NHS: variants seen among roughly 807,000 people sequenced by gnomAD.
NHS encodes the protein NHS actin remodeling regulator, also known as actin remodeling regulator NHS.
NHS carries 5 observed loss-of-function variants against 72.5 expected under a neutral mutation model. That is an observed-to-expected ratio of 0.07 (90% CI 0.04 to 0.14). The LOEUF (loss-of-function observed/expected upper bound fraction) is 0.14, where lower values mean the gene tolerates loss of function less well. NHS is among the 10% of genes least tolerant of loss of function. The probability of loss-of-function intolerance (pLI) is 1.00; values close to 1 mark genes in which losing one functional copy is unlikely to be tolerated. For missense variants in NHS, 1,072 were observed against 1,355.7 expected, an observed-to-expected ratio of 0.79 and a Z score of 3.29; for synonymous variants, 464 against 547.7, an observed-to-expected ratio of 0.85 and a Z score of 2.13.
intron 4 of NHS, 126 bp downstream of exon 4, chrX:17,719,532 A>T: frequency 1.8e-6 from 1 of 558,070 alleles, no homozygotes; most frequent in Non-Finnish European, 2.8e-6. Context: ...CTTTAAAATC[A>T]ATTTAAAAAG....
At chrX:17,490,766 G>A (rs909680072) in intron 1 of NHS, among the ~76,000 whole-genome samples, 1 of 112,172 alleles carries the variant, frequency 8.9e-6, no homozygotes, top group African/African-American at 3.2e-5. Flanking sequence ...AGCATGGAAT[G>A]TTTTTCCATT....
At chrX:17,670,762 C>T (rs1422428517) in intron 1 of NHS, among the ~76,000 whole-genome samples, 3 of 112,302 alleles carry the variant, frequency 2.7e-5, no homozygotes, top group Non-Finnish European at 5.6e-5. Context: ...ATGACACTGA[C>T]TCATTCCATT....
rs2065915943 is a variant in NHS, at chrX:17,648,454, G to A, written c.566-39288G>A. Among the ~76,000 whole-genome samples the A allele has an allele frequency of 2.7e-5, 3 of 112,427 alleles. No individual in the cohort carries two copies. In the South Asian group the frequency reaches 1.1e-3, roughly 42 times the overall value. ...CACCGCATTCTTCTGGCCAAATCAG[G>A]TCATAAGGCCTGCTCAGATTCAAGG... On this transcript the variant is annotated intron_variant, in intron 1 of 8. Transcript: ENST00000676302.
chrX:17,411,241 G>A (rs761015006), intron 1 of NHS, among the ~76,000 whole-genome samples: 7 of 112,124 alleles, frequency 6.2e-5, no homozygotes, highest in African/African-American at 2.3e-4. Flanking sequence ...TCAATAAAAT[G>A]AAGCCTAGTA....
At chrX:17,432,662 CTTGCATGGAG>C (rs962110978) in intron 1 of NHS, among the ~76,000 whole-genome samples, 1 of 111,958 alleles carries the variant, frequency 8.9e-6, no homozygotes, top group Non-Finnish European at 1.9e-5. Context: ...CCTGTTAGGA[CTTGCATGGAG>C]GGCAATAAAT....
chrX:17,379,266 T>C (rs2064362985), intron 1 of NHS, among the ~76,000 whole-genome samples: 1 of 109,823 alleles, frequency 9.1e-6, no homozygotes, highest in Non-Finnish European at 1.9e-5. Context: ...GAAGCAAGTC[T>C]GGTGGCTAGT....
At chrX:17,493,057 A>G (rs2064998527) in intron 1 of NHS, among the ~76,000 whole-genome samples, 1 of 111,693 alleles carries the variant, frequency 9.0e-6, no homozygotes, top group Non-Finnish European at 1.9e-5. Context: ...AAAATGTCAA[A>G]TATATAATAA....
intron 3 of NHS, among the ~76,000 whole-genome samples, chrX:17,697,039 C>T (rs1245172539): frequency 9.0e-6 from 1 of 110,840 alleles, no homozygotes; most frequent in Non-Finnish European, 1.9e-5. Flanking sequence ...CTGAAAAATA[C>T]TACAGATTTT....
intron 1 of NHS, among the ~76,000 whole-genome samples, chrX:17,637,429 G>A (rs1023213254): frequency 1.8e-5 from 2 of 111,279 alleles, no homozygotes; most frequent in Non-Finnish European, 3.8e-5. Context: ...ACTTGACAGA[G>A]GGCTCAACTT....
intron 1 of NHS, among the ~76,000 whole-genome samples, chrX:17,612,190 A>G (rs1439896281): frequency 9.6e-6 from 1 of 104,159 alleles, no homozygotes; most frequent in African/African-American, 3.9e-5. Flanking sequence ...TTTCCTCATG[A>G]CTTTTTTTTT....
At position 17,727,632 on chromosome X, in the gene NHS, T is replaced by C. The variant is rs144540002; in HGVS notation, c.3526T>C (p.Ser1176Pro). ...AAGCACACTCACAACGGCTGCCTTG[T>C]CTCCAAGTAAGATTAGGCCGCATAC... ...EESTLTTAAL[S>P]PSKIRPHTAN... is the part of the protein sequence containing the mutation. The change falls in exon 7 of 9, where the codon TCT becomes CCT. Residue 1176 changes from serine (S) to proline (P), a missense_variant. Physicochemically the swap from Ser to Pro is moderately conservative, Grantham distance 74. Transcript: ENST00000676302. The C allele has an allele frequency of 2.5e-6, 3 of 1,209,914 alleles. No individual in the cohort carries two copies. In the African/African-American group the frequency reaches 5.3e-5, roughly 21 times the overall value.
intron 1 of NHS, among the ~76,000 whole-genome samples, chrX:17,462,333 G>T (rs1403321198): frequency 9.0e-6 from 1 of 111,346 alleles, no homozygotes; most frequent in Non-Finnish European, 1.9e-5. Flanking sequence ...AGTAAAGTGA[G>T]AAGTTGGCTA....
chrX:17,461,791 G>A (rs1370421073), intron 1 of NHS, among the ~76,000 whole-genome samples: 3 of 113,048 alleles, frequency 2.7e-5, no homozygotes, highest in Non-Finnish European at 5.6e-5. Context: ...GGCCAGTAGG[G>A]CTTGTGGCTG....
At position 17,607,368 on chromosome X, in the gene NHS, A is replaced by C. The variant is rs749141669; in HGVS notation, c.566-80374A>C. Among the ~76,000 whole-genome samples the C allele has an allele frequency of 5.4e-5, 6 of 111,964 alleles. No individual in the cohort carries two copies. The East Asian group carries it at 1.7e-3, about 31-fold the overall frequency. On this transcript the variant is annotated intron_variant, in intron 1 of 8. Coordinates refer to ENST00000676302, the MANE Select transcript of NHS (RefSeq NM_001291867.2). ...TGCCAAGGATACAACAGTGAACCAAAAGGCTCCAACTCCCAGCCCTTGGGG... is the reference window on the plus strand; with the variant it reads ...TGCCAAGGATACAACAGTGAACCAACAGGCTCCAACTCCCAGCCCTTGGGG...
intron 1 of NHS, chrX:17,635,224 C>T (rs1035538749): frequency 1.1e-6 from 1 of 878,090 alleles, no homozygotes; most frequent in African/African-American, 2.1e-5. Context: ...TAAACTGCTC[C>T]AGGGATGAAA....
chrX:17,668,313 CA>C (rs770728063), intron 1 of NHS, among the ~76,000 whole-genome samples: 3 of 106,963 alleles, frequency 2.8e-5, no homozygotes, highest in Non-Finnish European at 3.9e-5. Flanking sequence ...ATTAAGAATA[CA>C]AAAAAAAATG....
chrX:17,620,634 G>C (rs1248117118), intron 1 of NHS, among the ~76,000 whole-genome samples: 2 of 111,194 alleles, frequency 1.8e-5, no homozygotes, highest in Non-Finnish European at 3.8e-5. Flanking sequence ...GTGATGGAAA[G>C]TTCCTGGATC....
chrX:17,413,613 G>GT (rs1410532783), intron 1 of NHS, among the ~76,000 whole-genome samples: 2 of 112,192 alleles, frequency 1.8e-5, no homozygotes, highest in Non-Finnish European at 3.8e-5. Flanking sequence ...AGAGAATCAT[G>GT]CTTTTCCAAA....
At chrX:17,728,372 G>T in intron 7 of NHS, 44 bp downstream of exon 7, 1 of 1,131,252 alleles carries the variant, frequency 8.8e-7, no homozygotes, top group Non-Finnish European at 1.2e-6. Flanking sequence ...GTGTCTCATG[G>T]CACTTCCTGG....
Sources: allele counts gnomAD v4.1 joint callset (sites outside exome capture counted in the v4.1 genomes callset), GRCh38; gene constraint gnomAD v4.1.1; transcripts MANE v1.5; gene names NCBI Gene and HGNC (gene_info 2026-07-23, HGNC 2026-07-21).